STAC: variants seen among roughly 807,000 people sequenced by gnomAD.
STAC encodes SH3 and cysteine-rich domain-containing protein.
A neutral mutation model predicts 48.8 loss-of-function variants in STAC; 43 were observed. That is an observed-to-expected ratio of 0.88 (90% CI 0.69 to 1.14). The LOEUF (loss-of-function observed/expected upper bound fraction) is 1.14, where lower values mean the gene tolerates loss of function less well. Among genes scored for constraint, STAC ranks in the 50% most tolerant of loss-of-function variants. The pLI is 0.00. For synonymous variants in STAC, 193 were observed against 179.5 expected (o/e 1.07, Z -0.60); for missense variants, 497 against 504.0 (o/e 0.99, Z 0.13).
intron 8 of STAC, among the ~76,000 whole-genome samples, chr3:36,510,668 G>A (rs952325381): frequency 4.6e-5 from 7 of 152,270 alleles, no homozygotes; most frequent in African/African-American, 1.7e-4. Context: ...GGACATGGAT[G>A]AAACTAGAAA....
chr3:36,533,123 A>G (rs1003229161), intron 10 of STAC, among the ~76,000 whole-genome samples: 6 of 152,194 alleles, frequency 3.9e-5, no homozygotes, highest in Admixed American at 6.5e-5. Flanking sequence ...TCTGAACAGT[A>G]AAGAGCAGCT....
Position 36,383,666 on chromosome 3 carries a change from T to C in STAC, c.111+2912T>C, listed in dbSNP as rs553900772. 3.9e-5 allele frequency among the ~76,000 whole-genome samples: 6 copies of C among 152,340 alleles called. No individual in the cohort carries two copies. The South Asian group carries it at 8.3e-4, about 21-fold the overall frequency. ...ACTATATTCTTTAGAAGCCCACAAATAGTCTTTGGAAAATCTGTGAACAAC... is the reference window on the plus strand; with the variant it reads ...ACTATATTCTTTAGAAGCCCACAAACAGTCTTTGGAAAATCTGTGAACAAC... On this transcript the variant is annotated intron_variant, in intron 1 of 10. Transcript: ENST00000273183.
At chr3:36,409,264 T>C (rs894725971) in intron 1 of STAC, among the ~76,000 whole-genome samples, 1 of 152,044 alleles carries the variant, frequency 6.6e-6, no homozygotes, top group Non-Finnish European at 1.5e-5. Context: ...TGTTAATGAG[T>C]TGATATTAAA....
intron 8 of STAC, among the ~76,000 whole-genome samples, chr3:36,512,262 G>A (rs1219312078): frequency 6.6e-6 from 1 of 152,134 alleles, no homozygotes; most frequent in African/African-American, 2.4e-5. Context: ...AAGTAAAGCC[G>A]TGTTCTGTTA....
rs192061998 is a variant in STAC, at chr3:36,462,039, A to G, written c.388+18399A>G. Among the ~76,000 whole-genome samples, 494 of 152,280 alleles carry G rather than the reference A, an allele frequency of 3.2e-3. 2 individuals carry two copies. The highest frequency in any genetic ancestry group is 0.024 in the Middle Eastern group (7 of 294). ...AGCAGAACAGTTAGGAGGCTATTAC[A>G]GTAATTCAGGTAAGAGATAAAGGTA... On this transcript the variant is annotated intron_variant, in intron 2 of 10. Transcript: ENST00000273183.
intron 1 of STAC, among the ~76,000 whole-genome samples, chr3:36,383,264 G>T (rs1463228771): frequency 6.6e-6 from 1 of 152,132 alleles, no homozygotes; most frequent in East Asian, 1.9e-4. Context: ...CACAATAGAA[G>T]ATTCTGTTAA....
intron 1 of STAC, among the ~76,000 whole-genome samples, chr3:36,421,339 CCTTTTAAA>C (rs1700443546): frequency 6.6e-6 from 1 of 151,902 alleles, no homozygotes; most frequent in African/African-American, 2.4e-5. Context: ...ACATATTGTA[CCTTTTAAA>C]ATAACTAACA....
chr3:36,454,676 A>G (rs1478429142), intron 2 of STAC, among the ~76,000 whole-genome samples: 1 of 152,224 alleles, frequency 6.6e-6, no homozygotes, highest in Admixed American at 6.5e-5. Context: ...ATATGCATAC[A>G]ACTTTCCAGA....
intron 1 of STAC, among the ~76,000 whole-genome samples, chr3:36,393,071 C>A (rs1335950453): frequency 2.0e-5 from 3 of 152,168 alleles, no homozygotes; most frequent in African/African-American, 7.2e-5. Flanking sequence ...ACAAGCATTA[C>A]ACCCTCTCTA....
chr3:36,441,748 T>C (rs900545496), intron 1 of STAC, among the ~76,000 whole-genome samples: 4 of 152,204 alleles, frequency 2.6e-5, no homozygotes, highest in Admixed American at 2.6e-4. Flanking sequence ...TCTGCATTTG[T>C]TATTTTTGTC....
At chr3:36,534,124 G>T (rs1040083112) in intron 10 of STAC, among the ~76,000 whole-genome samples, 3 of 152,204 alleles carry the variant, frequency 2.0e-5, no homozygotes, top group Admixed American at 2.0e-4. Context: ...CAGGGAGTAT[G>T]TAATAGAAAG....
chr3:36,383,289 G>C (rs1318963636), intron 1 of STAC, among the ~76,000 whole-genome samples: 1 of 152,050 alleles, frequency 6.6e-6, no homozygotes, highest in African/African-American at 2.4e-5. Flanking sequence ...TCTATTTTAT[G>C]GATGGGGAAG....
At chr3:36,505,673 C>T (rs1200026447) in intron 7 of STAC, 73 bp from the exon 8 acceptor site, 2 of 999,464 alleles carry the variant, frequency 2.0e-6, no homozygotes, top group Non-Finnish European at 1.5e-6. Flanking sequence ...TTCTCCATTT[C>T]CTGTTTTCTT....
At chr3:36,524,891 A>T (rs1698896254) in intron 8 of STAC, among the ~76,000 whole-genome samples, 1 of 152,182 alleles carries the variant, frequency 6.6e-6, no homozygotes, top group South Asian at 2.1e-4. Flanking sequence ...ATAGTGAAAA[A>T]GAGGCATTAG....
intron 1 of STAC, among the ~76,000 whole-genome samples, chr3:36,420,228 A>G (rs1454721277): frequency 6.6e-6 from 1 of 152,142 alleles, no homozygotes; most frequent in East Asian, 1.9e-4. Flanking sequence ...AAAGAACTGT[A>G]AAGTTCTATG....
Position 36,547,675 on chromosome 3 carries a change from G to A in STAC, c.*1386G>A, listed in dbSNP as rs1699479020. On this transcript the variant is annotated 3_prime_UTR_variant, in exon 11 of 11. Transcript: ENST00000273183. The stretch of plus-strand genomic sequence containing the variant: ...AAGTGGATGCATCCTATGCATGTAA[G>A]CATTATTTCCCAAACCAAAGCATCA... The A allele has an allele frequency of 6.6e-6, 1 of 152,574 alleles. No homozygotes were observed. The highest frequency in any genetic ancestry group is 1.5e-5 in the Non-Finnish European group (1 of 68,030). 9.5% of individuals were successfully genotyped at this position (152,574 alleles called of 1,614,324 possible). A position where few individuals can be genotyped will look rare whatever the true frequency, so the allele number is the denominator to read the frequency against.
chr3:36,492,604 T>C (rs750673245), intron 5 of STAC, among the ~76,000 whole-genome samples: 2 of 152,214 alleles, frequency 1.3e-5, no homozygotes, highest in Non-Finnish European at 2.9e-5. Context: ...TTTTTGTTCT[T>C]GTTATTTCTG....
chr3:36,501,549 G>A (rs945932693), intron 6 of STAC, among the ~76,000 whole-genome samples: 1 of 151,946 alleles, frequency 6.6e-6, no homozygotes, highest in Non-Finnish European at 1.5e-5. Flanking sequence ...TTTTAAATAG[G>A]CAGATATAAA....
At chr3:36,513,677 GATA>G (rs1459070865) in intron 8 of STAC, among the ~76,000 whole-genome samples, 2 of 152,120 alleles carry the variant, frequency 1.3e-5, no homozygotes, top group Non-Finnish European at 2.9e-5. Flanking sequence ...TGAAAACAGG[GATA>G]ATAAGTCCTG....
Sources: allele counts gnomAD v4.1 joint callset (sites outside exome capture counted in the v4.1 genomes callset), GRCh38; gene constraint gnomAD v4.1.1; transcripts MANE v1.5; gene names NCBI Gene and HGNC (gene_info 2026-07-23, HGNC 2026-07-21).